Variants in CDK5RAP2 observed in about 807,000 individuals in gnomAD.
CDK5RAP2 encodes CDK5 regulatory subunit associated protein 2, also known as CDK5 regulatory subunit-associated protein 2.
In CDK5RAP2, 147 loss-of-function variants were observed where a neutral mutation model predicts 232.9. That is an observed-to-expected ratio of 0.63 (90% CI 0.55 to 0.72). The LOEUF is 0.72. Among genes scored for constraint, CDK5RAP2 ranks in the 30% least tolerant of loss-of-function variants. CDK5RAP2 has a pLI of 0.00. For missense variants in CDK5RAP2, 2,195 were observed against 2,231.5 expected (o/e 0.98, Z 0.33); for synonymous variants, 833 against 833.7 (o/e 1.00, Z 0.01).
intron 1 of CDK5RAP2, among the ~76,000 whole-genome samples, chr9:120,579,698 A>G (rs1193567365): frequency 3.9e-5 from 6 of 152,226 alleles, no homozygotes; most frequent in African/African-American, 1.4e-4. Flanking sequence ...TCTACAAAGT[A>G]CATGGCGCAA....
At chr9:120,427,342 T>G (rs767522726) in intron 25 of CDK5RAP2, among the ~76,000 whole-genome samples, 2 of 152,260 alleles carry the variant, frequency 1.3e-5, no homozygotes, top group Non-Finnish European at 2.9e-5. Context: ...CTGGGCTGCA[T>G]GCAGCCCATG....
Position 120,470,133 on chromosome 9 carries a change from GA to G in CDK5RAP2, c.1945del (p.Ser649LeufsTer15). On this transcript the variant is annotated frameshift_variant, in exon 17 of 38. Coordinates refer to ENST00000349780, the MANE Select transcript of CDK5RAP2 (RefSeq NM_018249.6). LOFTEE classifies it high-confidence loss of function. ...TACCTTTTTCTTAAGTTCTTCTTGA[GA>G]AAAATGTTCCACTTGAAACCGATTG... ...ENNRFQVEHFSQEELKKKVSD... is the reference protein window; with the variant it reads ...ENNRFQVEHFXQEELKKKVSD... 5 of 1,565,812 alleles carry G rather than the reference GA, an allele frequency of 3.2e-6. No individual in the cohort carries two copies. Among genetic ancestry groups the G allele is most frequent in the Non-Finnish European group, 4.4e-6 (5 of 1,138,630 alleles).
intron 3 of CDK5RAP2, among the ~76,000 whole-genome samples, chr9:120,557,859 G>A (rs1346195665): frequency 6.7e-6 from 1 of 149,068 alleles, no homozygotes; most frequent in Non-Finnish European, 1.5e-5. Flanking sequence ...CCGCCTTCCG[G>A]GTTCAAGCGA....
chr9:120,421,007 C>G (rs898866492), intron 26 of CDK5RAP2, among the ~76,000 whole-genome samples: 1 of 152,240 alleles, frequency 6.6e-6, no homozygotes, highest in African/African-American at 2.4e-5. Flanking sequence ...CCAACTCCTT[C>G]TGCAAGCAAC....
chr9:120,508,147 C>T (rs921028279), intron 12 of CDK5RAP2, among the ~76,000 whole-genome samples: 1 of 151,866 alleles, frequency 6.6e-6, no homozygotes, highest in Admixed American at 6.6e-5. Flanking sequence ...TGCGAGAAAG[C>T]TTGTCAAAGT....
intron 12 of CDK5RAP2, among the ~76,000 whole-genome samples, chr9:120,510,810 G>A (rs945750444): frequency 6.6e-6 from 1 of 152,204 alleles, no homozygotes; most frequent in African/African-American, 2.4e-5. Context: ...TTTGGCAGCA[G>A]GGAGGTATAC....
intron 27 of CDK5RAP2, 88 bp from the exon 28 acceptor site, chr9:120,415,247 A>C (rs1404336420): frequency 6.8e-7 from 1 of 1,473,598 alleles, no homozygotes; most frequent in Non-Finnish European, 9.4e-7. Context: ...CTGAAATTCC[A>C]AACAGTATTG....
chr9:120,473,312 C>T (rs992407066), intron 15 of CDK5RAP2, among the ~76,000 whole-genome samples: 4 of 152,156 alleles, frequency 2.6e-5, no homozygotes, highest in African/African-American at 9.7e-5. Flanking sequence ...CTAAAAATGT[C>T]CATCAATGCC....
chr9:120,453,896 A>G, intron 20 of CDK5RAP2, 23 bp from the exon 21 acceptor site: 1 of 1,613,450 alleles, frequency 6.2e-7, no homozygotes, highest in South Asian at 1.1e-5. Flanking sequence ...AAGGGAAGGA[A>G]GTGGGAGAAC....
intron 14 of CDK5RAP2, among the ~76,000 whole-genome samples, chr9:120,486,703 G>A (rs1048830461): frequency 6.6e-6 from 1 of 152,092 alleles, no homozygotes; most frequent in African/African-American, 2.4e-5. Flanking sequence ...AGAGGAAAAC[G>A]GGGGACCACA....
In CDK5RAP2 at chr9:120,406,828, C is replaced by T; in HGVS notation, c.4963+184G>A. On this transcript the variant is annotated intron_variant, in intron 32 of 37. Transcript: ENST00000349780. ...CAAGATGCCTCAGATGGAGATTACG[C>T]CACTTTGCCCAAGGTGACCGCTAAT... 1.2e-5 allele frequency: 7 copies of T among 600,020 alleles called. No individual in the cohort carries two copies. In the South Asian group the frequency reaches 1.2e-4, roughly 11 times the overall value. The allele number at this position is 600,020 out of a possible 1,614,324, so 37.2% of individuals were successfully genotyped here. A position where few individuals can be genotyped will look rare whatever the true frequency, so the allele number is the denominator to read the frequency against.
chr9:120,487,936 T>C (rs530131384), intron 13 of CDK5RAP2, among the ~76,000 whole-genome samples: 1 of 152,334 alleles, frequency 6.6e-6, no homozygotes, highest in Non-Finnish European at 1.5e-5. Flanking sequence ...GAGATCTGAC[T>C]TCCAGGAAAA....
intron 12 of CDK5RAP2, among the ~76,000 whole-genome samples, chr9:120,508,334 G>A (rs2039927616): frequency 6.6e-6 from 1 of 152,138 alleles, no homozygotes. Flanking sequence ...GATGTGTGGA[G>A]GTGGGTGCCA....
chr9:120,447,919 T>G lies in CDK5RAP2; in HGVS notation c.3001A>C (p.Thr1001Pro). The change falls in exon 22 of 38, where the codon ACG becomes CCG. Residue 1001 changes from threonine (T) to proline (P), a missense_variant. Transcript: ENST00000349780. Reference protein sequence around the residue: ...LAEAVMEGRPTPDKTLLNAQP... With the variant: ...LAEAVMEGRPPPDKTLLNAQP... ...CCATTCAGCAACGTTTTGTCGGGCGTTGGCCTCCCCTCCATCACTGCTTCA... is the reference window on the plus strand; with the variant it reads ...CCATTCAGCAACGTTTTGTCGGGCGGTGGCCTCCCCTCCATCACTGCTTCA... 6.2e-7 allele frequency: 1 copy of G among 1,614,158 alleles called. No homozygotes were observed. The highest frequency in any genetic ancestry group is 8.5e-7 in the Non-Finnish European group (1 of 1,179,980).
intron 11 of CDK5RAP2, among the ~76,000 whole-genome samples, chr9:120,524,395 C>T (rs533799731): frequency 6.6e-6 from 1 of 152,318 alleles, no homozygotes; most frequent in African/African-American, 2.4e-5. Flanking sequence ...AATTCCAGCA[C>T]TTTGGAAGGC....
chr9:120,403,060 G>A lies in CDK5RAP2; in HGVS notation c.5053C>T (p.Pro1685Ser). 4 of 1,614,090 alleles carry A rather than the reference G, an allele frequency of 2.5e-6. No homozygotes were observed. In the East Asian group the frequency reaches 8.9e-5, roughly 36 times the overall value. The change falls in exon 34 of 38, where the codon CCT becomes TCT. Residue 1685 changes from proline (P) to serine (S), a missense_variant. Pro to Ser is a moderately conservative substitution (Grantham distance 74, BLOSUM62 -1). Coordinates refer to ENST00000349780, the MANE Select transcript of CDK5RAP2 (RefSeq NM_018249.6). The surrounding 1 kb of genome is among the most constrained non-coding windows in gnomAD (Gnocchi z 4.2). The part of the protein sequence containing the change: ...AVTPKSVSET[P>S]PLSGNDTDSL... The stretch of plus-strand genomic sequence containing the variant: ...TCCGTGTCATTCCCAGAGAGTGGAG[G>A]AGTCTCTGAAACTGTAAAATGAGAA...
intron 25 of CDK5RAP2, among the ~76,000 whole-genome samples, chr9:120,423,899 T>G (rs2034721770): frequency 6.6e-6 from 1 of 152,238 alleles, no homozygotes; most frequent in Non-Finnish European, 1.5e-5. Flanking sequence ...CTGGCTGGTA[T>G]GGCCATCCAG....
chr9:120,529,924 C>T, intron 8 of CDK5RAP2, 54 bp downstream of exon 8: 1 of 1,549,516 alleles, frequency 6.5e-7, no homozygotes, highest in Non-Finnish European at 8.9e-7. Context: ...CCATCTCCCA[C>T]AGAGGAGTCT....
At chr9:120,413,829 GAGGAGGGAGGA>G (rs1326340167) in intron 28 of CDK5RAP2, among the ~76,000 whole-genome samples, 1 of 96,222 alleles carries the variant, frequency 1.0e-5, no homozygotes, top group East Asian at 4.9e-4. Context: ...AGGGAGGAGG[GAGGAGGGAGGA>G]GGGAAGGAGG....
Sources: allele counts gnomAD v4.1 joint callset (sites outside exome capture counted in the v4.1 genomes callset), GRCh38; gene constraint gnomAD v4.1.1; non-coding constraint Gnocchi (gnomAD v3.1); transcripts MANE v1.5; gene names NCBI Gene and HGNC (gene_info 2026-07-23, HGNC 2026-07-21).